The following KMT2C variants were observed in gnomAD, a reference collection of about 807,000 sequenced individuals.
KMT2C encodes lysine methyltransferase 2C, also known as histone-lysine N-methyltransferase 2C.
A neutral mutation model predicts 507.9 loss-of-function variants in KMT2C; 88 were observed. The ratio of observed to expected loss-of-function variants is 0.17; its 90% CI spans 0.15 to 0.21. KMT2C has a LOEUF of 0.21. Among genes scored for constraint, KMT2C ranks in the 10% least tolerant of loss-of-function variants. The pLI is 1.00. For synonymous variants in KMT2C, 2,049 were observed against 2,080.8 expected (o/e 0.98, Z 0.42); for missense variants, 4,954 against 5,957.8 (o/e 0.83, Z 5.55).
chr7:152,372,085 T>C (rs1393272509), intron 1 of KMT2C, among the ~76,000 whole-genome samples: 2 of 152,184 alleles, frequency 1.3e-5, no homozygotes, highest in African/African-American at 4.8e-5. Context: ...AAAATGGCAG[T>C]AGTAACTCCT....
intron 1 of KMT2C, among the ~76,000 whole-genome samples, chr7:152,398,223 A>G (rs1270407092): frequency 6.6e-6 from 1 of 152,218 alleles, no homozygotes; most frequent in Non-Finnish European, 1.5e-5. Flanking sequence ...CCATAAGGGC[A>G]GGAGCTTGGT....
intron 1 of KMT2C, among the ~76,000 whole-genome samples, chr7:152,381,142 T>C (rs530984437): frequency 3.3e-5 from 5 of 152,328 alleles, no homozygotes; most frequent in Admixed American, 3.3e-4. Context: ...CTGTTTTTAA[T>C]TCACAATGAA....
intron 14 of KMT2C, among the ~76,000 whole-genome samples, chr7:152,244,219 G>A (rs1060770): frequency 1.4e-4 from 22 of 152,124 alleles, no homozygotes; most frequent in South Asian, 2.1e-4. Context: ...TCAGAACTCC[G>A]CTTTCAGGGT....
chr7:152,157,011 T>C (rs1414446114), intron 44 of KMT2C, among the ~76,000 whole-genome samples: 2 of 152,054 alleles, frequency 1.3e-5, no homozygotes, highest in African/African-American at 4.8e-5. Context: ...AAAGTCAAAT[T>C]ACAAATTTTG....
At position 152,384,599 on chromosome 7, in the gene KMT2C, C is replaced by CCACCACCAT. The variant is rs1589628134; in HGVS notation, c.162-25925_162-25924insATGGTGGTG. On this transcript the variant is annotated intron_variant, in intron 1 of 58. Transcript: ENST00000262189. ...ACCACCACCACCACCACCACCACCA[C>CCACCACCAT]CACCACCACCACCACGCTGCACTGA... is the stretch of plus-strand genomic sequence containing the variant. Among the ~76,000 whole-genome samples, 14 of 146,412 alleles carry CCACCACCAT rather than the reference C, an allele frequency of 9.6e-5. No individual in the cohort carries two copies. In the East Asian group the frequency reaches 2.9e-3, roughly 30 times the overall value.
At position 152,163,199 on chromosome 7, in the gene KMT2C, A is replaced by C. The variant is rs199789434; in HGVS notation, c.10378T>G (p.Cys3460Gly). The C allele has an allele frequency of 9.2e-5, 149 of 1,614,042 alleles. No individual in the cohort carries two copies. The highest frequency in any genetic ancestry group is 1.1e-5 in the Non-Finnish European group (13 of 1,180,036). Residue 3460 changes from cysteine to glycine, a missense_variant, in exon 43 of 59, where the codon TGT (cysteine) becomes GGT (glycine). Physicochemically the swap from Cys to Gly is radical, Grantham distance 159 (BLOSUM62 -3). Transcript: ENST00000262189. ...QIPFYSSDLP[C>G]DFMQPLGPLQ... ...GGTCCTAGAGGTTGCATAAAATCACAAGGTAAGTCGGAACTGTAGAAGGGA... is the reference window on the plus strand; with the variant it reads ...GGTCCTAGAGGTTGCATAAAATCACCAGGTAAGTCGGAACTGTAGAAGGGA...
At chr7:152,161,102 C>T (rs1383850507) in intron 43 of KMT2C, among the ~76,000 whole-genome samples, 3 of 152,102 alleles carry the variant, frequency 2.0e-5, no homozygotes, top group Non-Finnish European at 4.4e-5. Flanking sequence ...TATAAGATGT[C>T]TTGGAGAAAG....
rs2093308274 is a variant in KMT2C, at chr7:152,178,450, CCTCAGTACATGAGA to C, written c.7443-454_7443-441del. ...TCATACCTATTGAGGGACTTACAGGCCTCAGTACATGAGACTACAAAGGCACAGGTTTGATGATG... is the reference window on the plus strand; with the variant it reads ...TCATACCTATTGAGGGACTTACAGGCCTACAAAGGCACAGGTTTGATGATG... On this transcript the variant is annotated intron_variant, in intron 37 of 58. Transcript: ENST00000262189. Among the ~76,000 whole-genome samples, 4 of 152,036 alleles carry C rather than the reference CCTCAGTACATGAGA, an allele frequency of 2.6e-5. No individual in the cohort carries two copies. The South Asian group carries it at 8.3e-4, about 31-fold the overall frequency.
At chr7:152,410,883 G>A (rs36164394) in intron 1 of KMT2C, among the ~76,000 whole-genome samples, 27 of 150,716 alleles carry the variant, frequency 1.8e-4, no homozygotes, top group African/African-American at 6.6e-4. Context: ...ACATCCCCAC[G>A]GCCCCAGCTA....
intron 23 of KMT2C, among the ~76,000 whole-genome samples, chr7:152,214,545 T>C (rs1053484856): frequency 2.0e-5 from 3 of 149,334 alleles, no homozygotes; most frequent in Admixed American, 6.6e-5. Flanking sequence ...TTTGTCATAC[T>C]TTTTTCCCCC....
chr7:152,139,334 G>A (rs2090253427), intron 56 of KMT2C, 75 bp from the exon 57 acceptor site: 1 of 1,369,408 alleles, frequency 7.3e-7, no homozygotes, highest in African/African-American at 1.4e-5. Flanking sequence ...CACACCAGGA[G>A]GACTCAGTCG....
chr7:152,349,157 G>A (rs890993973), intron 2 of KMT2C, among the ~76,000 whole-genome samples: 5 of 152,100 alleles, frequency 3.3e-5, no homozygotes, highest in Admixed American at 1.3e-4. Flanking sequence ...GAAAAGACAC[G>A]GAGGAGGGCT....
intron 2 of KMT2C, among the ~76,000 whole-genome samples, chr7:152,355,479 A>G (rs1013157389): frequency 1.3e-5 from 2 of 152,178 alleles, no homozygotes; most frequent in Non-Finnish European, 2.9e-5. Context: ...ATTAAACTGA[A>G]TAAGACCACC....
chr7:152,359,765 A>C (rs2097180674), intron 1 of KMT2C, among the ~76,000 whole-genome samples: 1 of 152,042 alleles, frequency 6.6e-6, no homozygotes, highest in African/African-American at 2.4e-5. Context: ...AAAGTGAAAA[A>C]CAGCTGGCTG....
intron 6 of KMT2C, among the ~76,000 whole-genome samples, chr7:152,278,666 TA>T (rs1456133093): frequency 7.9e-5 from 12 of 151,828 alleles, no homozygotes; most frequent in Admixed American, 7.9e-4. Flanking sequence ...ACACAAACGC[TA>T]ACCAAAAAAT....
chr7:152,280,050 A>G (rs1766394950), intron 6 of KMT2C, among the ~76,000 whole-genome samples: 2 of 152,422 alleles, frequency 1.3e-5, no homozygotes, highest in South Asian at 2.1e-4. Flanking sequence ...TGAATTAATC[A>G]AAAGGGAGAT....
intron 1 of KMT2C, among the ~76,000 whole-genome samples, chr7:152,423,377 G>C (rs2097790238): frequency 6.6e-6 from 1 of 152,188 alleles, no homozygotes; most frequent in Non-Finnish European, 1.5e-5. Context: ...CTCCCTTGCA[G>C]CTACAGGTAG....
intron 55 of KMT2C, among the ~76,000 whole-genome samples, chr7:152,140,464 C>T (rs1010934984): frequency 3.3e-5 from 5 of 152,194 alleles, no homozygotes; most frequent in Non-Finnish European, 7.4e-5. Context: ...GCCAGGTGCA[C>T]TATTCAGGTT....
At position 152,136,705 on chromosome 7, in the gene KMT2C, C is replaced by CA; in HGVS notation, c.*126dup. The CA allele has an allele frequency of 1.4e-6, 1 of 692,342 alleles. No individual in the cohort carries two copies. Among genetic ancestry groups the CA allele is most frequent in the Admixed American group, 2.2e-5 (1 of 44,506 alleles). 42.9% of individuals were successfully genotyped at this position (692,342 alleles called of 1,614,324 possible). ...AAAGGACTGAGGAAATCAGAACTCCCAGAAGCTTTTTCAAAAAGTCATAAA... is the reference window on the plus strand; with the variant it reads ...AAAGGACTGAGGAAATCAGAACTCCCAAGAAGCTTTTTCAAAAAGTCATAAA... On this transcript the variant is annotated 3_prime_UTR_variant, in exon 59 of 59. Transcript: ENST00000262189.
Sources: allele counts gnomAD v4.1 joint callset (sites outside exome capture counted in the v4.1 genomes callset), GRCh38; gene constraint gnomAD v4.1.1; transcripts MANE v1.5; gene names NCBI Gene and HGNC (gene_info 2026-07-23, HGNC 2026-07-21).